The following ADPRHL1 variants were observed in gnomAD, a reference collection of about 807,000 sequenced individuals.
ADPRHL1 encodes the protein ADP-ribosylhydrolase like 1.
ADPRHL1 carries 43 observed loss-of-function variants against 44.1 expected under a neutral mutation model. The ratio of observed to expected loss-of-function variants is 0.98; its 90% CI spans 0.76 to 1.26. The LOEUF (loss-of-function observed/expected upper bound fraction) is 1.26, where lower values mean the gene tolerates loss of function less well. ADPRHL1 is among the 50% of genes most tolerant of loss of function. ADPRHL1 has a pLI of 0.00. For synonymous variants in ADPRHL1, 878 were observed against 1,017.4 expected (o/e 0.86, Z 2.61); for missense variants, 2,022 against 2,496.9 (o/e 0.81, Z 4.05).
chr13:113,415,315 G>C (rs1252048669), intron 7 of ADPRHL1, among the ~76,000 whole-genome samples: 2 of 152,190 alleles, frequency 1.3e-5, no homozygotes, highest in East Asian at 3.9e-4. Flanking sequence ...ACCTGGAAAG[G>C]GTTTAACCAA....
At chr13:113,442,770 C>T (rs112178777) in intron 2 of ADPRHL1, among the ~76,000 whole-genome samples, 257 of 152,284 alleles carry the variant, frequency 1.7e-3, no homozygotes, top group East Asian at 0.013. Flanking sequence ...ACAATTATTT[C>T]TCCAAGTATT....
At position 113,416,496 on chromosome 13, in the gene ADPRHL1, G is replaced by GT. The variant is rs2043888025; in HGVS notation, c.1061+6329dup. 1.3e-5 allele frequency among the ~76,000 whole-genome samples: 2 copies of GT among 152,142 alleles called. 1 individual carries two copies. The highest frequency in any genetic ancestry group is 4.1e-4 in the South Asian group (2 of 4,820). On this transcript the variant is annotated intron_variant, in intron 7 of 7. Coordinates refer to ENST00000612156, the MANE Select transcript of ADPRHL1 (RefSeq NM_001394807.1). ...ATGCTCTCCCAGGCCTGAGACATGAGTAAGTCAGCAGAGGGTTCCAGGGAT... is the reference window on the plus strand; with the variant it reads ...ATGCTCTCCCAGGCCTGAGACATGAGTTAAGTCAGCAGAGGGTTCCAGGGAT...
chr13:113,447,288 C>T (rs1415572713), intron 1 of ADPRHL1, among the ~76,000 whole-genome samples: 20 of 127,394 alleles, frequency 1.6e-4, no homozygotes, highest in East Asian at 5.0e-4. Flanking sequence ...TCTACACGCA[C>T]GGTGTTGTGT....
intron 7 of ADPRHL1, among the ~76,000 whole-genome samples, chr13:113,416,394 G>A (rs991603125): frequency 7.2e-5 from 11 of 152,060 alleles, no homozygotes; most frequent in African/African-American, 2.7e-4. Flanking sequence ...GACCAACGAA[G>A]GGATGTCTAG....
intron 1 of ADPRHL1, among the ~76,000 whole-genome samples, chr13:113,452,074 G>T (rs184958874): frequency 6.6e-6 from 1 of 152,342 alleles, no homozygotes; most frequent in Admixed American, 6.5e-5. Flanking sequence ...ACTCAAGAGT[G>T]AGCTCCAGCC....
At chr13:113,430,430 C>T (rs2043998619) in intron 3 of ADPRHL1, among the ~76,000 whole-genome samples, 1 of 152,134 alleles carries the variant, frequency 6.6e-6, no homozygotes, top group South Asian at 2.1e-4. Flanking sequence ...GAAGTGATGG[C>T]CATGGTACTC....
intron 2 of ADPRHL1, among the ~76,000 whole-genome samples, chr13:113,442,025 G>A (rs191096117): frequency 1.4e-3 from 206 of 152,356 alleles, no homozygotes; most frequent in Middle Eastern, 0.01. Context: ...CATCCAGTGC[G>A]GTTTTCCTTC....
rs373151097 is a variant in ADPRHL1, at chr13:113,437,454, C to T, written c.380-3587G>A. On this transcript the variant is annotated intron_variant, in intron 2 of 7. Coordinates refer to ENST00000612156, the MANE Select transcript of ADPRHL1 (RefSeq NM_001394807.1). ...ATGCCTCTGTTGACCCTGAAGCCGC[C>T]GGTGCCCTCTGCAATCCGTCCTCCT... Among the ~76,000 whole-genome samples the T allele has an allele frequency of 3.3e-5, 5 of 152,144 alleles. No individual in the cohort carries two copies. The East Asian group carries it at 7.7e-4, about 23-fold the overall frequency.
At chr13:113,429,508 C>T (rs1373711256) in intron 3 of ADPRHL1, among the ~76,000 whole-genome samples, 3 of 152,274 alleles carry the variant, frequency 2.0e-5, no homozygotes, top group Admixed American at 6.5e-5. Context: ...TTCCTCTCCG[C>T]GGCTGAATCG....
In ADPRHL1 at chr13:113,424,274, G is replaced by A; in HGVS notation, c.850C>T (p.Leu284Phe). 1.9e-6 allele frequency: 3 copies of A among 1,613,024 alleles called. No individual in the cohort carries two copies. Among genetic ancestry groups the A allele is most frequent in the East Asian group, 2.2e-5 (1 of 44,880 alleles). Reference protein sequence around the residue: ...HDAPMIAYDALLAAGNSWTEL... With the variant: ...HDAPMIAYDAFLAAGNSWTEL... ...GTCCAGCTGTTTCCTGCTGCAAGGA[G>A]GGCGTCATAGGCTATCATGGGGGCA... is the stretch of plus-strand genomic sequence containing the variant. The change falls in exon 6 of 8, where the codon CTC (leucine) becomes TTC (phenylalanine). Residue 284 changes from leucine to phenylalanine, a missense_variant. By Grantham distance (22) the Leu-to-Phe change is conservative. This residue lies in a region of ADPRHL1 where 437 missense variants were observed against 430.7 expected (regional missense o/e 1.01). Coordinates refer to ENST00000612156, the MANE Select transcript of ADPRHL1 (RefSeq NM_001394807.1).
At chr13:113,414,590 C>T (rs1334035048) in intron 7 of ADPRHL1, among the ~76,000 whole-genome samples, 1 of 152,096 alleles carries the variant, frequency 6.6e-6, no homozygotes, top group African/African-American at 2.4e-5. Flanking sequence ...GCTCTTGTCG[C>T]TGTGGTGCCA....
chr13:113,452,290 T>C (rs958504332), intron 1 of ADPRHL1, among the ~76,000 whole-genome samples: 2 of 152,164 alleles, frequency 1.3e-5, no homozygotes, highest in Non-Finnish European at 2.9e-5. Context: ...GGGAGCCTTA[T>C]CTTATCGCCG....
In ADPRHL1 at chr13:113,435,435, A is replaced by G. The variant is rs376974875; in HGVS notation, c.380-1568T>C. Among the ~76,000 whole-genome samples, 574 of 106,898 alleles carry G rather than the reference A, an allele frequency of 5.4e-3. 1 individual carries two copies. Among genetic ancestry groups the G allele is most frequent in the African/African-American group, 0.014 (344 of 25,316 alleles). 70.1% of individuals were successfully genotyped at this position (106,898 alleles called of 152,430 possible). On this transcript the variant is annotated intron_variant, in intron 2 of 7. Transcript: ENST00000612156. Reference sequence around the variant, plus strand: ...TGAACACAGGTGTACCCCGGGACCCAGCACCCAGGTGTAGAGTGAACATAG... The same window carrying G: ...TGAACACAGGTGTACCCCGGGACCCGGCACCCAGGTGTAGAGTGAACATAG...
chr13:113,400,224 C>T lies in ADPRHL1; in HGVS notation c.*3154G>A, dbSNP rs1230297755. On this transcript the variant is annotated 3_prime_UTR_variant, in exon 8 of 8. Coordinates refer to ENST00000612156, the MANE Select transcript of ADPRHL1 (RefSeq NM_001394807.1). ...GCAGTGGCGCAATCTCGGCTCACTGCAAGCTCCACCTCCCGGGTTCACGCC... is the reference window on the plus strand; with the variant it reads ...GCAGTGGCGCAATCTCGGCTCACTGTAAGCTCCACCTCCCGGGTTCACGCC... The T allele has an allele frequency of 2.0e-5, 3 of 147,806 alleles. No homozygotes were observed. Among genetic ancestry groups the T allele is most frequent in the East Asian group, 2.0e-4 (1 of 5,084 alleles). 9.2% of individuals were successfully genotyped at this position (147,806 alleles called of 1,614,324 possible).
intron 2 of ADPRHL1, among the ~76,000 whole-genome samples, 163 bp downstream of exon 2, chr13:113,444,262 C>T (rs2044120217): frequency 6.6e-6 from 1 of 152,132 alleles, no homozygotes; most frequent in Admixed American, 6.6e-5. Flanking sequence ...CCCGCACTGG[C>T]CGGGCTGACC....
At chr13:113,431,714 T>G (rs1009517828) in intron 3 of ADPRHL1, among the ~76,000 whole-genome samples, 1 of 151,864 alleles carries the variant, frequency 6.6e-6, no homozygotes, top group Non-Finnish European at 1.5e-5. Context: ...CTATTAAACA[T>G]GTGAAATAAT....
At chr13:113,412,344 AT>A (rs1418090767) in intron 7 of ADPRHL1, among the ~76,000 whole-genome samples, 1 of 151,980 alleles carries the variant, frequency 6.6e-6, no homozygotes, top group Non-Finnish European at 1.5e-5. Flanking sequence ...CGCCCGGCTA[AT>A]TTTTTGTATT....
In ADPRHL1 at chr13:113,403,200, G is replaced by C; in HGVS notation, c.*178C>G. The C allele has an allele frequency of 1.9e-6, 1 of 523,584 alleles. No individual in the cohort carries two copies. The allele number at this position is 523,584 out of a possible 1,614,324, so 32.4% of individuals were successfully genotyped here. A position where few individuals can be genotyped will look rare whatever the true frequency, so the allele number is the denominator to read the frequency against. ...TGGCTCTGTGGGGTGACAGGAACCC[G>C]ACCCACATGTAGCTCAATCCTCCCA... On this transcript the variant is annotated 3_prime_UTR_variant, in exon 8 of 8. Coordinates refer to ENST00000612156, the MANE Select transcript of ADPRHL1 (RefSeq NM_001394807.1).
intron 2 of ADPRHL1, among the ~76,000 whole-genome samples, chr13:113,437,224 G>C (rs929672524): frequency 4.7e-5 from 7 of 148,476 alleles, no homozygotes; most frequent in Non-Finnish European, 1.0e-4. Flanking sequence ...AGTGAACACA[G>C]GTGTACCCCG....
Sources: gnomAD v4.1 joint callset for allele counts (sites outside exome capture counted in the v4.1 genomes callset) on GRCh38, gnomAD v4.1.1 for gene constraint, gnomAD v4.1.1 regional missense constraint, MANE v1.5 for transcripts, NCBI Gene and HGNC (gene_info 2026-07-23, HGNC 2026-07-21) for gene names.